GAREM1: variants seen among roughly 807,000 people sequenced by gnomAD.
GAREM1 encodes GRB2-associated and regulator of MAPK protein 1.
Under a neutral mutation model 71.3 loss-of-function variants are expected in GAREM1, and 26 were observed. The observed-to-expected ratio is 0.36, with a 90% CI of 0.27 to 0.51. The LOEUF is 0.51. Among genes scored for constraint, GAREM1 ranks in the 20% least tolerant of loss-of-function variants. The probability of loss-of-function intolerance (pLI) is 0.95; values close to 1 mark genes in which losing one functional copy is unlikely to be tolerated. For missense variants in GAREM1, 1,026 were observed against 1,103.1 expected (o/e 0.93, Z 0.99); for synonymous variants, 440 against 433.2 (o/e 1.02, Z -0.20).
intron 2 of GAREM1, among the ~76,000 whole-genome samples, chr18:32,357,478 G>A (rs1567977464): frequency 6.6e-6 from 1 of 152,266 alleles, no homozygotes; most frequent in East Asian, 1.9e-4. Flanking sequence ...TCCAATGACA[G>A]AGACACTTGA....
chr18:32,335,803 A>C (rs1453523996), intron 2 of GAREM1, among the ~76,000 whole-genome samples: 3 of 152,232 alleles, frequency 2.0e-5, no homozygotes, highest in Non-Finnish European at 4.4e-5. Flanking sequence ...TTTCCTGTAG[A>C]CAATTCTAGT....
chr18:32,458,037 T>G (rs1397843651), intron 1 of GAREM1, among the ~76,000 whole-genome samples: 3 of 152,162 alleles, frequency 2.0e-5, no homozygotes, highest in Non-Finnish European at 4.4e-5. Context: ...GAATTTCTAT[T>G]ATTTATTCAC....
intron 2 of GAREM1, among the ~76,000 whole-genome samples, chr18:32,389,499 T>C (rs548609783): frequency 4.4e-4 from 67 of 152,252 alleles, no homozygotes; most frequent in African/African-American, 1.4e-3. Flanking sequence ...CAAAGTAATA[T>C]AGACAGAAAA....
chr18:32,291,575 G>T (rs569956488), intron 3 of GAREM1, among the ~76,000 whole-genome samples: 2 of 152,144 alleles, frequency 1.3e-5, no homozygotes, highest in South Asian at 4.2e-4. Context: ...CAAGTGCCAT[G>T]GTGGTTTGCA....
At chr18:32,464,933 T>C (rs564679560) in intron 1 of GAREM1, among the ~76,000 whole-genome samples, 11 of 152,302 alleles carry the variant, frequency 7.2e-5, no homozygotes, top group African/African-American at 2.2e-4. Flanking sequence ...AGGGGCTTAG[T>C]TAAGTGTTAG....
intron 2 of GAREM1, among the ~76,000 whole-genome samples, chr18:32,378,914 T>C (rs143489448): frequency 2.7e-4 from 41 of 152,056 alleles, no homozygotes; most frequent in African/African-American, 9.9e-4. Flanking sequence ...AACACAAATA[T>C]TGTATCATGG....
At position 32,288,133 on chromosome 18, in the gene GAREM1, G is replaced by A. The variant is rs373837436; in HGVS notation, c.464C>T (p.Thr155Ile). 3.1e-6 allele frequency: 5 copies of A among 1,614,116 alleles called. No individual in the cohort carries two copies. The South Asian group carries it at 3.3e-5, about 11-fold the overall frequency. ...NITLCTGDEL[T>I]LMGQAEILYA... ...AAGGATTTCTGCCTGCCCCATTAGA[G>A]TGAGTTCATCCCCAGTACACAGGGT... Residue 155 changes from threonine to isoleucine, a missense_variant, in exon 4 of 6, where the codon ACT becomes ATT. Coordinates refer to ENST00000269209, the MANE Select transcript of GAREM1 (RefSeq NM_001242409.2).
chr18:32,351,006 G>A (rs770743484), intron 2 of GAREM1, among the ~76,000 whole-genome samples: 2 of 152,120 alleles, frequency 1.3e-5, no homozygotes, highest in African/African-American at 2.4e-5. Context: ...AAGTTGACTT[G>A]AATTTTTCTA....
At chr18:32,352,755 G>C (rs1450910461) in intron 2 of GAREM1, among the ~76,000 whole-genome samples, 1 of 152,258 alleles carries the variant, frequency 6.6e-6, no homozygotes, top group African/African-American at 2.4e-5. Context: ...GTGATTATGA[G>C]AGAAGGAAAG....
chr18:32,402,324 T>C lies in GAREM1; in HGVS notation c.122-9289A>G, dbSNP rs545725221. ...TTTTACTTGCCCCATTTGACCTTGA[T>C]CCTTTCAACATTAAGTCCTACCTAC... On this transcript the variant is annotated intron_variant, in intron 1 of 5. Transcript: ENST00000269209. Among the ~76,000 whole-genome samples, 8 of 152,262 alleles carry C rather than the reference T, an allele frequency of 5.3e-5. No individual in the cohort carries two copies. The South Asian group carries it at 1.7e-3, about 32-fold the overall frequency.
At chr18:32,281,528 T>C (rs1199063105) in intron 4 of GAREM1, among the ~76,000 whole-genome samples, 1 of 152,372 alleles carries the variant, frequency 6.6e-6, no homozygotes, top group East Asian at 1.9e-4. Context: ...CAACCCTGTC[T>C]AACACAAAGG....
In GAREM1 at chr18:32,418,048, CA is replaced by C. The variant is rs1599033744; in HGVS notation, c.122-25014del. Among the ~76,000 whole-genome samples the C allele has an allele frequency of 2.6e-5, 4 of 152,232 alleles. No homozygotes were observed. The East Asian group carries it at 7.7e-4, about 29-fold the overall frequency. On this transcript the variant is annotated intron_variant, in intron 1 of 5. Transcript: ENST00000269209. ...AATGAATATGGAAAACTTTCTACCC[CA>C]TTCCAATTCTCCACCAACATAATAA... is the stretch of plus-strand genomic sequence containing the variant.
chr18:32,281,241 T>C (rs2046948341), intron 4 of GAREM1, among the ~76,000 whole-genome samples: 1 of 152,148 alleles, frequency 6.6e-6, no homozygotes, highest in Non-Finnish European at 1.5e-5. Flanking sequence ...TAATTATCTA[T>C]CACATAGTGA....
intron 2 of GAREM1, among the ~76,000 whole-genome samples, chr18:32,312,156 T>C (rs368649045): frequency 7.9e-5 from 12 of 152,168 alleles, no homozygotes; most frequent in African/African-American, 2.7e-4. Context: ...GACACCGAAG[T>C]GTGGAGGTCA....
At chr18:32,281,807 G>A (rs2046953711) in intron 4 of GAREM1, among the ~76,000 whole-genome samples, 1 of 152,270 alleles carries the variant, frequency 6.6e-6, no homozygotes. Context: ...CCAAGCCATC[G>A]CATCCCCTGT....
chr18:32,464,924 G>A (rs184833655), intron 1 of GAREM1, among the ~76,000 whole-genome samples: 173 of 152,302 alleles, frequency 1.1e-3, no homozygotes, highest in Middle Eastern at 3.4e-3. Context: ...TCACATAGCA[G>A]GGGCTTAGTT....
intron 1 of GAREM1, among the ~76,000 whole-genome samples, chr18:32,448,004 TA>T (rs2048800359): frequency 6.6e-6 from 1 of 152,198 alleles, no homozygotes. Flanking sequence ...GAACCTGGTG[TA>T]AAATGAAAAT....
chr18:32,428,790 T>C (rs941947090), intron 1 of GAREM1, among the ~76,000 whole-genome samples: 7 of 152,158 alleles, frequency 4.6e-5, no homozygotes, highest in Non-Finnish European at 7.4e-5. Context: ...GCTTCAACTC[T>C]CCAGACACAG....
rs919333190 is a variant in GAREM1, at chr18:32,470,213, T to C, written c.121+95A>G. 17 of 1,283,548 alleles carry C rather than the reference T, an allele frequency of 1.3e-5. No homozygotes were observed. Among genetic ancestry groups the C allele is most frequent in the Middle Eastern group, 3.0e-4 (1 of 3,344 alleles). 79.5% of individuals were successfully genotyped at this position (1,283,548 alleles called of 1,614,324 possible). A position where few individuals can be genotyped will look rare whatever the true frequency, so the allele number is the denominator to read the frequency against. On this transcript the variant is annotated intron_variant, in intron 1 of 5. Coordinates refer to ENST00000269209, the MANE Select transcript of GAREM1 (RefSeq NM_001242409.2). The surrounding 1 kb of genome is among the most constrained non-coding windows in gnomAD (Gnocchi z 4.4). ...CGGCGCTCAGGGGCGGGCAGCCCACTCCCCGCGGGTCCCACCCTCTCCAGC... is the reference window on the plus strand; with the variant it reads ...CGGCGCTCAGGGGCGGGCAGCCCACCCCCCGCGGGTCCCACCCTCTCCAGC...
Sources: allele counts gnomAD v4.1 joint callset (sites outside exome capture counted in the v4.1 genomes callset), GRCh38; gene constraint gnomAD v4.1.1; non-coding constraint Gnocchi (gnomAD v3.1); transcripts MANE v1.5; gene names NCBI Gene and HGNC (gene_info 2026-07-23, HGNC 2026-07-21).